GAS7: variants seen among roughly 807,000 people sequenced by gnomAD.
GAS7 encodes the protein growth arrest-specific protein 7.
In GAS7, 28 loss-of-function variants were observed where a neutral mutation model predicts 71.1. The ratio of observed to expected loss-of-function variants is 0.39; its 90% confidence interval spans 0.29 to 0.54. GAS7 has a LOEUF of 0.54. Among genes scored for constraint, GAS7 ranks in the 20% least tolerant of loss-of-function variants. GAS7 has a pLI of 0.62. For missense variants in GAS7, 436 were observed against 627.8 expected (o/e 0.69, Z 3.27); for synonymous variants, 258 against 245.8 (o/e 1.05, Z -0.46).
intron 1 of GAS7, among the ~76,000 whole-genome samples, chr17:10,060,360 G>A (rs926745466): frequency 6.6e-6 from 1 of 152,098 alleles, no homozygotes; most frequent in African/African-American, 2.4e-5. Flanking sequence ...AGCAGCGCAG[G>A]GTCTTCAACC....
At chr17:10,153,210 A>AAAAAAAAAAGCAAAGCAAAAC (rs144494150) in intron 1 of GAS7, among the ~76,000 whole-genome samples, 2 of 145,340 alleles carry the variant, frequency 1.4e-5, no homozygotes, top group East Asian at 4.1e-4. Context: ...CCTCCGTCTC[A>AAAAAAAAAAGCAAAGCAAAAC]AAAAAAAAAC....
intron 9 of GAS7, among the ~76,000 whole-genome samples, chr17:9,932,639 G>A (rs2068250791): frequency 6.6e-6 from 1 of 152,214 alleles, no homozygotes; most frequent in Admixed American, 6.5e-5. Context: ...ATGTGCCAGG[G>A]AGTGGGGAAG....
At chr17:10,052,777 G>T (rs75530600) in intron 1 of GAS7, among the ~76,000 whole-genome samples, 34 of 152,296 alleles carry the variant, frequency 2.2e-4, no homozygotes, top group Non-Finnish European at 4.7e-4. Flanking sequence ...TAGTGGGCCA[G>T]GCTCCTCACT....
chr17:10,033,120 G>A (rs1368223111), intron 1 of GAS7, among the ~76,000 whole-genome samples: 1 of 152,100 alleles, frequency 6.6e-6, no homozygotes, highest in Non-Finnish European at 1.5e-5. Context: ...ATGCATCCTA[G>A]GTTTTCTATG....
At chr17:10,082,372 G>T (rs1300292233) in intron 1 of GAS7, among the ~76,000 whole-genome samples, 1 of 152,152 alleles carries the variant, frequency 6.6e-6, no homozygotes, top group Non-Finnish European at 1.5e-5. Context: ...GTTAATACTT[G>T]TCAAATCCAG....
At chr17:10,099,333 T>G (rs2073675642) in intron 1 of GAS7, among the ~76,000 whole-genome samples, 1 of 152,144 alleles carries the variant, frequency 6.6e-6, no homozygotes. Flanking sequence ...CCTGTGAGGC[T>G]TCTACCACAG....
chr17:9,969,883 AAG>A lies in GAS7; in HGVS notation c.386-123_386-122del, dbSNP rs2069887916. ...TGGCTCTGAGAGGTCTTGCGTGGCG[AAG>A]ACCATCCCTCAGGATCTGATCTTAT... On this transcript the variant is annotated intron_variant, in intron 3 of 13. Transcript: ENST00000432992. This position sits in a 1 kb window ranked among gnomAD's most constrained non-coding sequence, Gnocchi z 5.5. 2.9e-6 allele frequency: 2 copies of A among 679,816 alleles called. No homozygotes were observed. The highest frequency in any genetic ancestry group is 2.7e-6 in the Non-Finnish European group (1 of 372,174). 42.1% of individuals were successfully genotyped at this position (679,816 alleles called of 1,614,324 possible).
At chr17:10,183,829 G>C (rs544583633) in intron 1 of GAS7, among the ~76,000 whole-genome samples, 3 of 151,528 alleles carry the variant, frequency 2.0e-5, no homozygotes, top group East Asian at 1.9e-4. Flanking sequence ...GCGACAGAGC[G>C]AGACTCCGTC....
rs150805858 is a variant in GAS7, at chr17:9,978,547, A to G, written c.385+3257T>C. On this transcript the variant is annotated intron_variant, in intron 3 of 13. Coordinates refer to ENST00000432992, the MANE Select transcript of GAS7 (RefSeq NM_201433.2). Reference sequence around the variant, plus strand: ...AAGAAAATTAGCGGGGTGTGGTGGCACACGCCTGTAGTTCCAGCTACTTGA... The same window carrying G: ...AAGAAAATTAGCGGGGTGTGGTGGCGCACGCCTGTAGTTCCAGCTACTTGA... Among the ~76,000 whole-genome samples the G allele has an allele frequency of 6.3e-3, 953 of 151,886 alleles. 17 individuals carry two copies. The highest frequency in any genetic ancestry group is 0.021 in the African/African-American group (886 of 41,374).
intron 1 of GAS7, among the ~76,000 whole-genome samples, chr17:10,044,257 G>A (rs555292877): frequency 2.6e-5 from 4 of 152,252 alleles, no homozygotes; most frequent in African/African-American, 4.8e-5. Context: ...ATTTTACTGC[G>A]ATACCCAATT....
intron 1 of GAS7, among the ~76,000 whole-genome samples, chr17:10,151,335 G>T (rs761018571): frequency 2.0e-5 from 3 of 147,404 alleles, no homozygotes; most frequent in Admixed American, 6.8e-5. Context: ...TTTTGTTTTT[G>T]TTTTTTTTTT....
At chr17:9,963,290 G>A (rs747935602) in intron 4 of GAS7, among the ~76,000 whole-genome samples, 41 of 152,168 alleles carry the variant, frequency 2.7e-4, no homozygotes, top group Non-Finnish European at 4.7e-4. Flanking sequence ...CATAGAGACA[G>A]AAAGATTAGG....
At chr17:10,043,431 AC>A (rs1238982511) in intron 1 of GAS7, among the ~76,000 whole-genome samples, 6 of 152,092 alleles carry the variant, frequency 3.9e-5, no homozygotes, top group African/African-American at 1.4e-4. Flanking sequence ...AGAGGTGCTA[AC>A]CCCCATCTCC....
At chr17:10,074,601 T>C (rs755154710) in intron 1 of GAS7, among the ~76,000 whole-genome samples, 3 of 152,174 alleles carry the variant, frequency 2.0e-5, no homozygotes, top group Non-Finnish European at 4.4e-5. Flanking sequence ...CAAGAGGAAA[T>C]AGAAAACCTG....
At chr17:10,099,297 C>T (rs972347) in intron 1 of GAS7, among the ~76,000 whole-genome samples, 25,388 of 152,056 alleles carry the variant, frequency 0.17, 2,235 homozygotes, top group East Asian at 0.24. Context: ...CCTGGGGAGC[C>T]CTCCCCAAAA....
At position 9,974,575 on chromosome 17, in the gene GAS7, A is replaced by G. The variant is rs995868151; in HGVS notation, c.386-4813T>C. 6.6e-6 allele frequency among the ~76,000 whole-genome samples: 1 copy of G among 152,178 alleles called. No homozygotes were observed. The highest frequency in any genetic ancestry group is 2.4e-5 in the African/African-American group (1 of 41,436). ...TTAAGATTTTTAAAAAGGGAACTAA[A>G]AGCTCTATCTAGTTAGTAACCTTAG... On this transcript the variant is annotated intron_variant, in intron 3 of 13. Transcript: ENST00000432992. This position sits in a 1 kb window ranked among gnomAD's most constrained non-coding sequence, Gnocchi z 4.0.
At chr17:10,155,018 C>CT (rs34790124) in intron 1 of GAS7, among the ~76,000 whole-genome samples, 14,789 of 142,904 alleles carry the variant, frequency 0.1, 895 homozygotes, top group Non-Finnish European at 0.12. Context: ...ACCAATAACT[C>CT]TTTTTTTTTT....
intron 2 of GAS7, among the ~76,000 whole-genome samples, chr17:9,984,553 G>T (rs2070561583): frequency 6.6e-6 from 1 of 152,312 alleles, no homozygotes; most frequent in East Asian, 1.9e-4. Context: ...GGGACCCACT[G>T]GCTGGCAAGA....
chr17:10,184,841 A>C (rs1190866775), intron 1 of GAS7, among the ~76,000 whole-genome samples: 2 of 151,672 alleles, frequency 1.3e-5, no homozygotes, highest in African/African-American at 2.4e-5. Context: ...AGAGGATTAG[A>C]GGGTTGGGAT....
Sources: gnomAD v4.1 joint callset for allele counts (sites outside exome capture counted in the v4.1 genomes callset) on GRCh38, gnomAD v4.1.1 for gene constraint, Gnocchi (gnomAD v3.1) non-coding constraint, MANE v1.5 for transcripts, NCBI Gene and HGNC (gene_info 2026-07-23, HGNC 2026-07-21) for gene names.